MAF: variants seen among roughly 807,000 people sequenced by gnomAD.
MAF encodes transcription factor Maf.
MAF carries 10 observed loss-of-function variants against 22.0 expected under a neutral mutation model. The observed-to-expected ratio is 0.45, with a 90% confidence interval of 0.28 to 0.77. The LOEUF is 0.77. Ranked by LOEUF, MAF falls within the 30% of genes least tolerant of loss-of-function variation. The pLI is 0.12. For synonymous variants in MAF, 337 were observed against 255.8 expected, an observed-to-expected ratio of 1.32 and a Z score of -3.03; for missense variants, 544 against 548.4, an observed-to-expected ratio of 0.99 and a Z score of 0.08.
the MAF span, among the ~76,000 whole-genome samples, chr16:79,307,160 A>T: frequency 6.6e-6 from 1 of 152,310 alleles, no homozygotes; most frequent in African/African-American, 2.4e-5. Flanking sequence ...CCTCCCATAA[A>T]TCATTAACGG....
the MAF span, among the ~76,000 whole-genome samples, chr16:79,534,020 T>C: frequency 3.3e-5 from 5 of 152,190 alleles, no homozygotes; most frequent in Non-Finnish European, 5.9e-5. Context: ...GTCCCCATAC[T>C]ACAAGCTCAT....
chr16:79,585,717 G>T (rs1364537179), downstream of MAF: 3 of 548,806 alleles, frequency 5.5e-6, no homozygotes, highest in Non-Finnish European at 9.5e-6. Flanking sequence ...TACATGACAC[G>T]TGAAACCCAA....
At chr16:79,415,595 C>T in the MAF span, among the ~76,000 whole-genome samples, 1 of 152,114 alleles carries the variant, frequency 6.6e-6, no homozygotes, top group Non-Finnish European at 1.5e-5. Context: ...GCCTGGATCA[C>T]TTTTCCTTCT....
the MAF span, among the ~76,000 whole-genome samples, chr16:79,572,997 A>T: frequency 1.1e-4 from 17 of 152,344 alleles, no homozygotes; most frequent in South Asian, 3.3e-3. Context: ...AGCCAAAAGA[A>T]AATATCATTA....
chr16:79,211,832 C>T, the MAF span: 5 of 1,612,674 alleles, frequency 3.1e-6, no homozygotes, highest in African/African-American at 5.3e-5. Context: ...CACACCCGCC[C>T]TGTGTGTGTC....
At chr16:79,470,514 A>G in the MAF span, among the ~76,000 whole-genome samples, 1 of 152,254 alleles carries the variant, frequency 6.6e-6, no homozygotes, top group African/African-American at 2.4e-5. Context: ...GGGCAGGTCC[A>G]TATCTTCCAA....
At chr16:79,569,664 G>A in the MAF span, among the ~76,000 whole-genome samples, 2 of 152,306 alleles carry the variant, frequency 1.3e-5, no homozygotes, top group South Asian at 4.1e-4. Context: ...CTTAGCCTTA[G>A]CTACACAGTA....
the MAF span, among the ~76,000 whole-genome samples, chr16:79,532,938 C>G: frequency 1.3e-5 from 2 of 152,304 alleles, no homozygotes; most frequent in East Asian, 1.9e-4. Flanking sequence ...TTGCTGCAAG[C>G]TGGCCTTGGG....
chr16:79,221,973 C>G, the MAF span, among the ~76,000 whole-genome samples: 1 of 152,084 alleles, frequency 6.6e-6, no homozygotes. Context: ...GACAGAGAAA[C>G]GTTTTTCTTA....
chr16:79,445,333 G>A, the MAF span, among the ~76,000 whole-genome samples: 1 of 152,144 alleles, frequency 6.6e-6, no homozygotes, highest in Non-Finnish European at 1.5e-5. Flanking sequence ...GTGAGCCACT[G>A]CGCCCGGCCA....
At chr16:79,463,215 G>C in the MAF span, among the ~76,000 whole-genome samples, 2 of 152,336 alleles carry the variant, frequency 1.3e-5, no homozygotes, top group East Asian at 1.9e-4. Context: ...AGTGGTTGCA[G>C]ATGGGTCCGG....
chr16:79,233,143 A>G, the MAF span, among the ~76,000 whole-genome samples: 1 of 151,936 alleles, frequency 6.6e-6, no homozygotes, highest in Non-Finnish European at 1.5e-5. Context: ...CCCGGCCTTG[A>G]TAGGCCATTC....
At chr16:79,597,800 CTTTTT>C (rs34352423) in intron 1 of MAF, 3 of 891,180 alleles carry the variant, frequency 3.4e-6, no homozygotes, top group Non-Finnish European at 4.1e-6. Context: ...AGCATGCAGG[CTTTTT>C]TTTTTTATTA....
the MAF span, among the ~76,000 whole-genome samples, chr16:79,477,443 C>T: frequency 6.6e-5 from 10 of 152,274 alleles, no homozygotes; most frequent in Non-Finnish European, 1.2e-4. Context: ...GCGTAGGAAA[C>T]ATCATTTGCC....
the MAF span, among the ~76,000 whole-genome samples, chr16:79,452,023 G>A: frequency 6.6e-5 from 10 of 152,020 alleles, no homozygotes; most frequent in African/African-American, 2.2e-4. Flanking sequence ...CCCATCCCTC[G>A]CCTATTTCTG....
chr16:79,419,920 A>T, the MAF span, among the ~76,000 whole-genome samples: 2 of 152,170 alleles, frequency 1.3e-5, no homozygotes, highest in Non-Finnish European at 2.9e-5. Flanking sequence ...CGGAAAAAAA[A>T]AAATGTTTTC....
At chr16:79,225,628 C>T in the MAF span, among the ~76,000 whole-genome samples, 2 of 152,134 alleles carry the variant, frequency 1.3e-5, no homozygotes, top group African/African-American at 4.8e-5. Flanking sequence ...ATCTATCCAT[C>T]TGACAAAGGG....
At chr16:79,331,778 T>G in the MAF span, among the ~76,000 whole-genome samples, 1 of 152,098 alleles carries the variant, frequency 6.6e-6, no homozygotes, top group Non-Finnish European at 1.5e-5. Flanking sequence ...CACTGTGGCC[T>G]CATTCCCTCC....
chr16:79,496,166 T>C, the MAF span, among the ~76,000 whole-genome samples: 1 of 152,132 alleles, frequency 6.6e-6, no homozygotes, highest in Non-Finnish European at 1.5e-5. Context: ...GAGTATTTGT[T>C]ATGCAGCAGT....
Sources: allele counts gnomAD v4.1 joint callset (sites outside exome capture counted in the v4.1 genomes callset), GRCh38; gene constraint gnomAD v4.1.1; transcripts MANE v1.5; gene names NCBI Gene and HGNC (gene_info 2026-07-23, HGNC 2026-07-21).